Variants in TRPM3 observed in about 807,000 individuals in gnomAD.
The protein encoded by TRPM3 is long transient receptor potential channel 3.
TRPM3 carries 77 observed loss-of-function variants against 181.2 expected under a neutral mutation model. That is an observed-to-expected ratio of 0.42 (90% CI 0.35 to 0.51). The LOEUF (loss-of-function observed/expected upper bound fraction) is 0.51. Ranked by LOEUF, TRPM3 falls within the 20% of genes least tolerant of loss-of-function variation. The probability of loss-of-function intolerance (pLI) is 0.01; values close to 1 mark genes in which losing one functional copy is unlikely to be tolerated. For missense variants in TRPM3, 1,759 were observed against 2,196.7 expected, an observed-to-expected ratio of 0.80 and a Z score of 3.98; for synonymous variants, 745 against 796.4, an observed-to-expected ratio of 0.94 and a Z score of 1.09.
chr9:70,647,955 G>T (rs1022637823), intron 9 of TRPM3, among the ~76,000 whole-genome samples: 8 of 152,096 alleles, frequency 5.3e-5, no homozygotes, highest in Non-Finnish European at 8.8e-5. Context: ...GCTATAAAAA[G>T]AATAAAGTAT....
intron 9 of TRPM3, among the ~76,000 whole-genome samples, chr9:70,648,753 C>A (rs1359407375): frequency 1.3e-5 from 2 of 152,172 alleles, no homozygotes; most frequent in African/African-American, 4.8e-5. Context: ...CAAGGACTCT[C>A]TATTCAGTAA....
At chr9:71,373,190 A>G (rs2132815419) in intron 1 of TRPM3, among the ~76,000 whole-genome samples, 1 of 152,260 alleles carries the variant, frequency 6.6e-6, no homozygotes, top group East Asian at 1.9e-4. Context: ...TCAGTTAACA[A>G]TCTAACATCT....
At chr9:70,892,168 C>T (rs1292239256) in intron 1 of TRPM3, among the ~76,000 whole-genome samples, 3 of 152,090 alleles carry the variant, frequency 2.0e-5, no homozygotes, top group African/African-American at 4.8e-5. Context: ...TGTGCCTTAA[C>T]GTTTTGGAAG....
At chr9:70,864,359 G>T in intron 2 of TRPM3, 73 bp downstream of exon 2, 1 of 1,045,250 alleles carries the variant, frequency 9.6e-7, no homozygotes, top group Non-Finnish European at 1.4e-6. Context: ...CTTGTAACAG[G>T]TCATGATTAC....
At chr9:71,190,941 A>C (rs1041521049) in intron 1 of TRPM3, among the ~76,000 whole-genome samples, 3 of 151,884 alleles carry the variant, frequency 2.0e-5, no homozygotes, top group Admixed American at 6.6e-5. Context: ...GTTTCACTAG[A>C]CATAAGCTTC....
chr9:71,028,384 A>C (rs775386587), intron 1 of TRPM3, among the ~76,000 whole-genome samples: 1 of 152,190 alleles, frequency 6.6e-6, no homozygotes, highest in Non-Finnish European at 1.5e-5. Context: ...CATCAGTGAT[A>C]CTATAAAGCA....
At chr9:70,862,799 C>A (rs2095555304) in intron 3 of TRPM3, 109 bp downstream of exon 3, 5 of 1,074,652 alleles carry the variant, frequency 4.7e-6, no homozygotes, top group Admixed American at 1.8e-5. Context: ...CAGACAGTGG[C>A]AGAGTGGAGA....
chr9:70,674,298 A>C (rs1385662131), intron 9 of TRPM3, among the ~76,000 whole-genome samples: 4 of 152,218 alleles, frequency 2.6e-5, no homozygotes, highest in African/African-American at 9.6e-5. Flanking sequence ...GATGCATGGA[A>C]TTATTGGACA....
intron 1 of TRPM3, among the ~76,000 whole-genome samples, chr9:71,076,822 T>C (rs185320290): frequency 3.2e-4 from 48 of 152,310 alleles, no homozygotes; most frequent in Non-Finnish European, 4.0e-4. Context: ...TACAGTGTGA[T>C]TGAGAATCAC....
chr9:70,858,472 C>G (rs1177150581), intron 3 of TRPM3, among the ~76,000 whole-genome samples: 1 of 152,108 alleles, frequency 6.6e-6, no homozygotes, highest in African/African-American at 2.4e-5. Flanking sequence ...GTGGACAGCT[C>G]CACCCCTTTG....
chr9:70,577,038 T>TC (rs1173990380), intron 22 of TRPM3, among the ~76,000 whole-genome samples: 1 of 152,156 alleles, frequency 6.6e-6, no homozygotes, highest in Non-Finnish European at 1.5e-5. Context: ...TGTGCCCAAG[T>TC]CCTTGCCGCA....
intron 1 of TRPM3, among the ~76,000 whole-genome samples, chr9:71,096,601 C>CAG: frequency 6.7e-6 from 1 of 148,786 alleles, no homozygotes; most frequent in Admixed American, 6.7e-5. Context: ...CTCTCTCTCT[C>CAG]TCTCTCTCTC....
intron 5 of TRPM3, among the ~76,000 whole-genome samples, chr9:70,831,209 A>C (rs934850376): frequency 1.3e-5 from 2 of 152,180 alleles, no homozygotes; most frequent in Non-Finnish European, 2.9e-5. Flanking sequence ...CGTACCAGCA[A>C]TCTATTTTTG....
intron 1 of TRPM3, among the ~76,000 whole-genome samples, chr9:70,993,784 C>CAAAAAAAAAAAA (rs745913831): frequency 1.5e-5 from 1 of 66,728 alleles, no homozygotes. Flanking sequence ...GATTCCATCT[C>CAAAAAAAAAAAA]AAAAAAAAAA....
At chr9:70,591,258 G>T in intron 21 of TRPM3, 53 bp from the exon 22 acceptor site, 2 of 1,504,380 alleles carry the variant, frequency 1.3e-6, no homozygotes, top group Non-Finnish European at 1.8e-6. Flanking sequence ...ATATGATTGA[G>T]TGTTCTTATA....
intron 25 of TRPM3, among the ~76,000 whole-genome samples, chr9:70,539,451 G>A (rs2042677723): frequency 6.7e-6 from 1 of 149,210 alleles, no homozygotes; most frequent in Non-Finnish European, 1.5e-5. Context: ...GTCCCAGCCT[G>A]CCCTCAAGAG....
intron 1 of TRPM3, among the ~76,000 whole-genome samples, chr9:71,245,541 A>T (rs560153186): frequency 5.9e-5 from 9 of 152,288 alleles, no homozygotes; most frequent in African/African-American, 2.2e-4. Flanking sequence ...AGCAAGGTGT[A>T]ACATAATTAC....
chr9:70,767,042 A>G (rs981476426), intron 7 of TRPM3, among the ~76,000 whole-genome samples: 1 of 152,244 alleles, frequency 6.6e-6, no homozygotes, highest in Non-Finnish European at 1.5e-5. Context: ...GAGTCCTACG[A>G]TGCTTTTTAG....
chr9:70,738,459 C>T (rs1261577211), intron 8 of TRPM3, among the ~76,000 whole-genome samples: 1 of 152,028 alleles, frequency 6.6e-6, no homozygotes, highest in Non-Finnish European at 1.5e-5. Flanking sequence ...AGTGACACAA[C>T]CTATCAAAAC....
Sources: allele counts gnomAD v4.1 joint callset (sites outside exome capture counted in the v4.1 genomes callset), GRCh38; gene constraint gnomAD v4.1.1; transcripts MANE v1.5; gene names NCBI Gene and HGNC (gene_info 2026-07-23, HGNC 2026-07-21).